Variants in ARHGAP21 observed in about 807,000 individuals in gnomAD.
The protein encoded by ARHGAP21 is rho GTPase-activating protein 21.
A neutral mutation model predicts 164.6 loss-of-function variants in ARHGAP21; 38 were observed. The ratio of observed to expected loss-of-function variants is 0.23; its 90% CI spans 0.18 to 0.30. The LOEUF (loss-of-function observed/expected upper bound fraction) is 0.30. ARHGAP21 is among the 10% of genes least tolerant of loss of function. ARHGAP21 has a pLI of 1.00. For missense variants in ARHGAP21, 1,822 were observed against 2,370.7 expected, an observed-to-expected ratio of 0.77 and a Z score of 4.81; for synonymous variants, 766 against 857.9, an observed-to-expected ratio of 0.89 and a Z score of 1.87.
At chr10:24,671,773 A>G (rs943115497) in intron 2 of ARHGAP21, among the ~76,000 whole-genome samples, 1 of 145,748 alleles carries the variant, frequency 6.9e-6, no homozygotes, top group Non-Finnish European at 1.5e-5. Flanking sequence ...CCTGGGCTGG[A>G]GTGCAGTGCC....
chr10:24,586,409 C>T (rs2076104256), intron 25 of ARHGAP21, among the ~76,000 whole-genome samples: 1 of 152,184 alleles, frequency 6.6e-6, no homozygotes, highest in Admixed American at 6.5e-5. Flanking sequence ...CCCCCAAACA[C>T]CTGACCTTCC....
rs778233456 is a variant in ARHGAP21, at chr10:24,600,940, A to G, written c.2848-10T>C. On this transcript the variant is annotated splice_polypyrimidine_tract_variant and intron_variant, in intron 13 of 25. Transcript: ENST00000396432. Reference sequence around the variant, plus strand: ...TACTTCCACCAACTCGCTAGAAAACATGCGACAGTTCTTTAATAGTCAATA... The same window carrying G: ...TACTTCCACCAACTCGCTAGAAAACGTGCGACAGTTCTTTAATAGTCAATA... 6.2e-7 allele frequency: 1 copy of G among 1,607,348 alleles called. No individual in the cohort carries two copies. Among genetic ancestry groups the G allele is most frequent in the Non-Finnish European group, 8.5e-7 (1 of 1,175,010 alleles).
intron 5 of ARHGAP21, among the ~76,000 whole-genome samples, 193 bp downstream of exon 5, chr10:24,634,818 T>C (rs1272305295): frequency 6.6e-6 from 1 of 152,222 alleles, no homozygotes; most frequent in Non-Finnish European, 1.5e-5. Context: ...ATTTATATTG[T>C]TATTTCTGTT....
intron 4 of ARHGAP21, among the ~76,000 whole-genome samples, chr10:24,646,329 G>A (rs1837567442): frequency 6.6e-6 from 1 of 151,950 alleles, no homozygotes; most frequent in Non-Finnish European, 1.5e-5. Flanking sequence ...TTATGGAGCA[G>A]CTGAAAAAAA....
chr10:24,600,247 C>CA (rs1023596792), intron 14 of ARHGAP21, among the ~76,000 whole-genome samples: 2 of 150,310 alleles, frequency 1.3e-5, no homozygotes, highest in Non-Finnish European at 3.0e-5. Flanking sequence ...GTTCTCTTAA[C>CA]AAAAATCATC....
chr10:24,596,668 T>C (rs1412852651), intron 17 of ARHGAP21, 72 bp downstream of exon 17: 3 of 1,596,618 alleles, frequency 1.9e-6, no homozygotes, highest in African/African-American at 2.7e-5. Context: ...TGAAAGGCTA[T>C]ATACTCAGAT....
chr10:24,720,255 A>C (rs1845795336), intron 2 of ARHGAP21, among the ~76,000 whole-genome samples: 1 of 5,016 alleles, frequency 2.0e-4, no homozygotes, highest in South Asian at 5.1e-3. Context: ...TTAAATGACC[A>C]AAAAAAAAAA....
chr10:24,695,657 C>T (rs898080571), intron 2 of ARHGAP21, among the ~76,000 whole-genome samples: 7 of 152,108 alleles, frequency 4.6e-5, no homozygotes, highest in Admixed American at 1.3e-4. Flanking sequence ...GTCTCGCCTA[C>T]ACTCTCTCTG....
At chr10:24,598,156 T>C in intron 14 of ARHGAP21, 147 bp from the exon 15 acceptor site, 1 of 644,580 alleles carries the variant, frequency 1.6e-6, no homozygotes. Flanking sequence ...AAAGCTTCTA[T>C]TCAACATCAC....
chr10:24,591,092 G>C (rs1187876234), intron 24 of ARHGAP21, 133 bp downstream of exon 24: 2 of 1,004,270 alleles, frequency 2.0e-6, no homozygotes, highest in African/African-American at 1.6e-5. Flanking sequence ...GAAGATTAAG[G>C]TTTTTTATTA....
At chr10:24,717,041 T>C (rs372702979) in intron 2 of ARHGAP21, among the ~76,000 whole-genome samples, 3 of 152,202 alleles carry the variant, frequency 2.0e-5, no homozygotes, top group Non-Finnish European at 2.9e-5. Context: ...GATATACACA[T>C]GTACACATAA....
chr10:24,602,721 ACT>A (rs2076864816), intron 12 of ARHGAP21, among the ~76,000 whole-genome samples: 1 of 152,082 alleles, frequency 6.6e-6, no homozygotes, highest in South Asian at 2.1e-4. Flanking sequence ...TTCAAAGCTC[ACT>A]CTGAGTACTC....
At chr10:24,651,703 TTAAG>T (rs769801432) in intron 4 of ARHGAP21, among the ~76,000 whole-genome samples, 24 of 152,184 alleles carry the variant, frequency 1.6e-4, no homozygotes, top group Non-Finnish European at 2.8e-4. Flanking sequence ...ATCTACTACA[TTAAG>T]TGATTAAGGA....
At chr10:24,586,210 A>G (rs1300085535) in intron 25 of ARHGAP21, 104 bp from the exon 26 acceptor site, 2 of 1,359,254 alleles carry the variant, frequency 1.5e-6, no homozygotes, top group Middle Eastern at 1.9e-4. Flanking sequence ...TATATCTACT[A>G]AAGCTCTGGA....
At chr10:24,681,192 GT>G (rs990467190) in intron 2 of ARHGAP21, among the ~76,000 whole-genome samples, 23 of 152,306 alleles carry the variant, frequency 1.5e-4, no homozygotes, top group South Asian at 6.2e-4. Flanking sequence ...CAATGGAAAT[GT>G]TCCAAAAGAC....
intron 4 of ARHGAP21, among the ~76,000 whole-genome samples, chr10:24,643,761 C>T (rs1837304198): frequency 6.6e-6 from 1 of 152,200 alleles, no homozygotes; most frequent in African/African-American, 2.4e-5. Context: ...GCAGGACAAG[C>T]ATTGATTTAC....
chr10:24,649,867 G>A (rs896003718), intron 4 of ARHGAP21, among the ~76,000 whole-genome samples: 1 of 152,036 alleles, frequency 6.6e-6, no homozygotes, highest in Non-Finnish European at 1.5e-5. Context: ...GAAATAAAAA[G>A]ATAAAACTAA....
At chr10:24,639,888 T>C (rs1015984849) in intron 4 of ARHGAP21, among the ~76,000 whole-genome samples, 1 of 150,420 alleles carries the variant, frequency 6.6e-6, no homozygotes, top group African/African-American at 2.5e-5. Flanking sequence ...AATTTTTAAA[T>C]ATTATTTGAA....
At chr10:24,685,813 T>C (rs1006491971) in intron 2 of ARHGAP21, among the ~76,000 whole-genome samples, 1 of 152,048 alleles carries the variant, frequency 6.6e-6, no homozygotes, top group South Asian at 2.1e-4. Flanking sequence ...GAAGTGGAGG[T>C]TGCAGTGAGC....
Sources: gnomAD v4.1 joint callset for allele counts (sites outside exome capture counted in the v4.1 genomes callset) on GRCh38, gnomAD v4.1.1 for gene constraint, MANE v1.5 for transcripts, NCBI Gene and HGNC (gene_info 2026-07-23, HGNC 2026-07-21) for gene names.